SLC35F3: variants seen among roughly 807,000 people sequenced by gnomAD.
SLC35F3 encodes solute carrier family 35 member F3.
Under a neutral mutation model 49.9 loss-of-function variants are expected in SLC35F3, and 25 were observed. The ratio of observed to expected loss-of-function variants is 0.50; its 90% CI spans 0.37 to 0.70. SLC35F3 has a LOEUF of 0.70. SLC35F3 is among the 30% of genes least tolerant of loss of function. The pLI, the probability that SLC35F3 is intolerant of heterozygous loss-of-function variation, is 0.00. For missense variants in SLC35F3, 525 were observed against 639.8 expected (o/e 0.82, Z 1.94); for synonymous variants, 275 against 265.4 (o/e 1.04, Z -0.35).
At chr1:233,978,963 G>A (rs1238017587) in intron 2 of SLC35F3, among the ~76,000 whole-genome samples, 1 of 151,680 alleles carries the variant, frequency 6.6e-6, no homozygotes, top group Non-Finnish European at 1.5e-5. Context: ...TTGAGCCTGG[G>A]AGGCAGAGGT....
At chr1:234,049,751 T>C (rs1011597091) in intron 2 of SLC35F3, among the ~76,000 whole-genome samples, 9 of 152,218 alleles carry the variant, frequency 5.9e-5, no homozygotes, top group South Asian at 2.1e-4. Context: ...ACTCGTCATT[T>C]ACATTAGGTG....
At chr1:234,297,817 C>A (rs1668629194) in intron 3 of SLC35F3, among the ~76,000 whole-genome samples, 1 of 150,972 alleles carries the variant, frequency 6.6e-6, no homozygotes, top group South Asian at 2.1e-4. Context: ...ATAAGGGGGG[C>A]AGAAAACAGG....
At chr1:234,167,597 A>G (rs998674239) in intron 2 of SLC35F3, among the ~76,000 whole-genome samples, 2 of 152,212 alleles carry the variant, frequency 1.3e-5, no homozygotes, top group African/African-American at 4.8e-5. Context: ...GAGCATCTTT[A>G]ACTTTTCAGA....
chr1:233,909,133 A>G (rs146548324), intron 2 of SLC35F3, among the ~76,000 whole-genome samples: 3 of 152,354 alleles, frequency 2.0e-5, no homozygotes, highest in Admixed American at 6.5e-5. Context: ...ATGGGATTAC[A>G]GGCATGAGCC....
At chr1:234,266,022 C>G (rs915965224) in intron 3 of SLC35F3, among the ~76,000 whole-genome samples, 7 of 152,308 alleles carry the variant, frequency 4.6e-5, no homozygotes, top group Middle Eastern at 6.8e-3. Context: ...TCAGCAGTCC[C>G]ACTCCCTCTC....
At chr1:234,076,991 T>A (rs1330656633) in intron 2 of SLC35F3, among the ~76,000 whole-genome samples, 2 of 118,780 alleles carry the variant, frequency 1.7e-5, no homozygotes, top group African/African-American at 6.7e-5. Flanking sequence ...AAAGAGGTTT[T>A]TTTTTTGTTT....
At chr1:234,187,463 A>G (rs1056951949) in intron 2 of SLC35F3, among the ~76,000 whole-genome samples, 2 of 152,194 alleles carry the variant, frequency 1.3e-5, no homozygotes, top group African/African-American at 4.8e-5. Flanking sequence ...CGGGAGTCAC[A>G]TTGTGAACTT....
chr1:234,214,479 C>T lies in SLC35F3; in HGVS notation c.284-16938C>T. The T allele has an allele frequency of 6.6e-7, 1 of 1,523,018 alleles. No homozygotes were observed. The highest frequency in any genetic ancestry group is 8.8e-7 in the Non-Finnish European group (1 of 1,135,904). The allele number at this position is 1,523,018 out of a possible 1,614,324, so 94.3% of individuals were successfully genotyped here. A position where few individuals can be genotyped will look rare whatever the true frequency, so the allele number is the denominator to read the frequency against. ...ATGTAGGCGATCGGCGGCAGCGCTC[C>T]TGCAGGCGGCCGGCTCATCATGAAG... On this transcript the variant is annotated intron_variant, in intron 2 of 7. Transcript: ENST00000366618. The surrounding 1 kb of genome is among the most constrained non-coding windows in gnomAD (Gnocchi z 8.0).
At chr1:234,155,791 A>C (rs1308587594) in intron 2 of SLC35F3, among the ~76,000 whole-genome samples, 1 of 151,452 alleles carries the variant, frequency 6.6e-6, no homozygotes, top group African/African-American at 2.4e-5. Flanking sequence ...CCAAAAAAAA[A>C]ACCCCAAAAA....
At chr1:234,261,933 G>T (rs986277547) in intron 3 of SLC35F3, 8 of 152,222 alleles carry the variant, frequency 5.3e-5, no homozygotes, top group African/African-American at 1.7e-4. Flanking sequence ...CTCAAACTTG[G>T]GTTTGCAGAT....
chr1:234,273,597 T>G (rs12760720), intron 3 of SLC35F3, among the ~76,000 whole-genome samples: 73,770 of 152,076 alleles, frequency 0.49, 18,126 homozygotes, highest in African/African-American at 0.51. Context: ...GATTCTAAAT[T>G]ATGCAAGACT....
In SLC35F3 at chr1:234,027,848, G is replaced by C. The variant is rs1664001146; in HGVS notation, c.283+122090G>C. Reference sequence around the variant, plus strand: ...CTCAGAGCTTTCATTCTAAGGAGGGGAGATGGATGATAAAGGAATAAGCCC... The same window carrying C: ...CTCAGAGCTTTCATTCTAAGGAGGGCAGATGGATGATAAAGGAATAAGCCC... On this transcript the variant is annotated intron_variant, in intron 2 of 7. Coordinates refer to ENST00000366618, the MANE Select transcript of SLC35F3 (RefSeq NM_173508.4). The surrounding 1 kb of genome is among the most constrained non-coding windows in gnomAD (Gnocchi z 4.1). 6.6e-6 allele frequency among the ~76,000 whole-genome samples: 1 copy of C among 152,142 alleles called. No homozygotes were observed. The highest frequency in any genetic ancestry group is 1.5e-5 in the Non-Finnish European group (1 of 68,030).
At chr1:234,056,512 TTTAC>T (rs917591425) in intron 2 of SLC35F3, among the ~76,000 whole-genome samples, 11 of 152,176 alleles carry the variant, frequency 7.2e-5, no homozygotes, top group African/African-American at 2.7e-4. Context: ...TACCCCTAGT[TTTAC>T]TTGCTATTCC....
At chr1:234,238,959 T>C (rs77777505) in intron 3 of SLC35F3, among the ~76,000 whole-genome samples, 15,419 of 152,276 alleles carry the variant, frequency 0.1, 1,045 homozygotes, top group Non-Finnish European at 0.15. Flanking sequence ...TCAATTTCAC[T>C]GAAATTCTTT....
chr1:233,985,255 G>A (rs1379520114), intron 2 of SLC35F3, among the ~76,000 whole-genome samples: 2 of 152,152 alleles, frequency 1.3e-5, no homozygotes, highest in South Asian at 2.1e-4. Flanking sequence ...AAATAATAGC[G>A]TTTACCAAAC....
intron 2 of SLC35F3, among the ~76,000 whole-genome samples, chr1:234,050,215 T>C (rs1664354584): frequency 6.6e-6 from 1 of 152,230 alleles, no homozygotes; most frequent in Non-Finnish European, 1.5e-5. Flanking sequence ...ATCGCCACAC[T>C]GTCTTCCACA....
intron 3 of SLC35F3, among the ~76,000 whole-genome samples, chr1:234,298,947 G>T (rs905634389): frequency 2.0e-5 from 3 of 152,196 alleles, no homozygotes; most frequent in Admixed American, 2.0e-4. Flanking sequence ...CCATACATTT[G>T]CTGGTGCTTT....
chr1:234,210,723 A>G (rs1482029579), intron 2 of SLC35F3, among the ~76,000 whole-genome samples: 1 of 152,280 alleles, frequency 6.6e-6, no homozygotes, highest in African/African-American at 2.4e-5. Flanking sequence ...GAAGCAGAGC[A>G]TAAAAGTTTG....
At chr1:234,309,047 T>C (rs1016992610) in intron 3 of SLC35F3, 54 bp from the exon 4 acceptor site, 14 of 1,437,330 alleles carry the variant, frequency 9.7e-6, no homozygotes, top group Admixed American at 2.1e-5. Context: ...AGGAAATAAA[T>C]GGTCTGTCTG....
Sources: gnomAD v4.1 joint callset for allele counts (sites outside exome capture counted in the v4.1 genomes callset) on GRCh38, gnomAD v4.1.1 for gene constraint, Gnocchi (gnomAD v3.1) non-coding constraint, MANE v1.5 for transcripts, NCBI Gene and HGNC (gene_info 2026-07-23, HGNC 2026-07-21) for gene names.